The following USP43 variants were observed in gnomAD, a reference collection of about 807,000 sequenced individuals.
USP43 encodes ubiquitin carboxyl-terminal hydrolase 43.
Under a neutral mutation model 90.7 loss-of-function variants are expected in USP43, and 33 were observed. That is an observed-to-expected ratio of 0.36 (90% confidence interval 0.28 to 0.49). The LOEUF is 0.49. Ranked by LOEUF, USP43 falls within the 20% of genes least tolerant of loss-of-function variation. The pLI, the probability that USP43 is intolerant of heterozygous loss-of-function variation, is 0.98. For synonymous variants in USP43, 598 were observed against 615.8 expected (o/e 0.97, Z 0.43); for missense variants, 1,274 against 1,476.4 (o/e 0.86, Z 2.25).
intron 9 of USP43, among the ~76,000 whole-genome samples, chr17:9,693,959 A>C (rs1915110440): frequency 6.6e-6 from 1 of 152,190 alleles, no homozygotes; most frequent in Admixed American, 6.5e-5. Context: ...ATTGGTCCTA[A>C]ACTGTAAGAG....
intron 14 of USP43, among the ~76,000 whole-genome samples, chr17:9,720,364 G>T (rs1308137153): frequency 1.4e-5 from 2 of 140,018 alleles, no homozygotes; most frequent in African/African-American, 2.7e-5. Context: ...GAAAAATCCA[G>T]CTTTTTTTTT....
At chr17:9,648,903 TTC>T (rs373050216) in intron 1 of USP43, among the ~76,000 whole-genome samples, 5 of 145,558 alleles carry the variant, frequency 3.4e-5, no homozygotes, top group Admixed American at 6.8e-5. Flanking sequence ...TTCTTTTTCT[TTC>T]TCTCTCTCTC....
intron 13 of USP43, among the ~76,000 whole-genome samples, chr17:9,710,424 T>C (rs1291318012): frequency 2.0e-5 from 3 of 151,582 alleles, no homozygotes; most frequent in African/African-American, 7.3e-5. Context: ...GAGGTGTATG[T>C]AATGTAAACT....
chr17:9,652,926 C>G (rs1436791986), intron 1 of USP43, among the ~76,000 whole-genome samples: 1 of 152,120 alleles, frequency 6.6e-6, no homozygotes, highest in African/African-American at 2.4e-5. Flanking sequence ...AAAACAATCT[C>G]AAATATGTAT....
rs571025898 is a variant in USP43, at chr17:9,702,185, A to AC, written c.2011+490dup. Among the ~76,000 whole-genome samples the AC allele has an allele frequency of 2.7e-3, 410 of 151,008 alleles. 3 individuals carry two copies. Among genetic ancestry groups the AC allele is most frequent in the Non-Finnish European group, 3.6e-3 (245 of 67,800 alleles). On this transcript the variant is annotated intron_variant, in intron 12 of 14. Coordinates refer to ENST00000285199, the MANE Select transcript of USP43 (RefSeq NM_153210.5). ...AGACCAGCCTAGGCAACAAAGTGAG[A>AC]CCCCCGTCTCTACAAAAAAAATGAA...
intron 14 of USP43, among the ~76,000 whole-genome samples, chr17:9,720,839 C>T (rs1443590581): frequency 6.6e-6 from 1 of 152,096 alleles, no homozygotes; most frequent in Non-Finnish European, 1.5e-5. Flanking sequence ...CATTTATTCC[C>T]CGGGTGGGGC....
chr17:9,661,726 A>T (rs1228518381), intron 2 of USP43, among the ~76,000 whole-genome samples: 6 of 152,108 alleles, frequency 3.9e-5, no homozygotes, highest in Non-Finnish European at 8.8e-5. Flanking sequence ...TCAGAGAGAG[A>T]GGCTGTCATT....
At chr17:9,681,206 A>T (rs757685019) in intron 6 of USP43, among the ~76,000 whole-genome samples, 1 of 62,560 alleles carries the variant, frequency 1.6e-5, no homozygotes, top group African/African-American at 9.1e-5. Context: ...ATACTATATA[A>T]TATATACATT....
rs112607869 is a variant in USP43, at chr17:9,698,519, G to A, written c.1458-1653G>A. On this transcript the variant is annotated intron_variant, in intron 9 of 14. Transcript: ENST00000285199. The stretch of plus-strand genomic sequence containing the variant: ...AGCCTATCAGTCCCTTAAGGGTGGG[G>A]ATTGTTAGGTATATACATTTCTTGG... 3.2e-3 allele frequency among the ~76,000 whole-genome samples: 482 copies of A among 152,288 alleles called. 1 individual carries two copies. Among genetic ancestry groups the A allele is most frequent in the Non-Finnish European group, 4.9e-3 (332 of 68,020 alleles).
intron 9 of USP43, among the ~76,000 whole-genome samples, chr17:9,697,700 G>C (rs1485518044): frequency 1.7e-4 from 24 of 141,396 alleles, no homozygotes; most frequent in Non-Finnish European, 3.3e-4. Context: ...AGTGTTCTGT[G>C]GTGTACATGT....
chr17:9,658,277 C>CT (rs1292713686), intron 2 of USP43, among the ~76,000 whole-genome samples: 6 of 152,018 alleles, frequency 3.9e-5, no homozygotes, highest in Non-Finnish European at 7.4e-5. Flanking sequence ...GAAGCTTAGT[C>CT]TTTTTTTTCC....
At position 9,701,718 on chromosome 17, in the gene USP43, T is replaced by C; in HGVS notation, c.2011+18T>C. 6.7e-7 allele frequency: 1 copy of C among 1,503,150 alleles called. No individual in the cohort carries two copies. The highest frequency in any genetic ancestry group is 8.9e-7 in the Non-Finnish European group (1 of 1,119,876). 93.1% of individuals were successfully genotyped at this position (1,503,150 alleles called of 1,614,324 possible). A position where few individuals can be genotyped will look rare whatever the true frequency, so the allele number is the denominator to read the frequency against. ...TTACACAGGTGAGCCTTGCCTTGCCTTTCTGCAAATGCAGCTGTGGCCACA... is the reference window on the plus strand; with the variant it reads ...TTACACAGGTGAGCCTTGCCTTGCCCTTCTGCAAATGCAGCTGTGGCCACA... On this transcript the variant is annotated intron_variant, in intron 12 of 14. Coordinates refer to ENST00000285199, the MANE Select transcript of USP43 (RefSeq NM_153210.5). The surrounding 1 kb of genome is among the most constrained non-coding windows in gnomAD (Gnocchi z 7.2).
Position 9,683,634 on chromosome 17 carries a change from A to T in USP43, c.1241+676A>T, listed in dbSNP as rs149443039. Among the ~76,000 whole-genome samples the T allele has an allele frequency of 5.0e-3, 768 of 152,284 alleles. 7 individuals carry two copies. The highest frequency in any genetic ancestry group is 0.017 in the African/African-American group (723 of 41,554). On this transcript the variant is annotated intron_variant, in intron 7 of 14. Transcript: ENST00000285199. ...CATTTTTATCATGTAATAAATACTT[A>T]CAGATAGTTGGTCTATTTTGTTTGA... is the stretch of plus-strand genomic sequence containing the variant.
At chr17:9,715,822 T>G (rs919225443) in intron 14 of USP43, among the ~76,000 whole-genome samples, 25 of 151,898 alleles carry the variant, frequency 1.6e-4, no homozygotes, top group African/African-American at 5.6e-4. Context: ...TGTGTCTCTG[T>G]GTGTCTATGT....
chr17:9,711,536 C>T (rs1045681809), intron 13 of USP43, among the ~76,000 whole-genome samples: 1 of 152,160 alleles, frequency 6.6e-6, no homozygotes, highest in East Asian at 1.9e-4. Context: ...TCACACAATT[C>T]TCCTGCCTCA....
At chr17:9,706,439 A>G (rs1007433732) in intron 12 of USP43, among the ~76,000 whole-genome samples, 12 of 151,972 alleles carry the variant, frequency 7.9e-5, no homozygotes, top group Admixed American at 5.9e-4. Context: ...CTAAGATTAA[A>G]AAGTGTTTTT....
At chr17:9,667,850 T>A (rs968845554) in intron 3 of USP43, among the ~76,000 whole-genome samples, 1 of 152,078 alleles carries the variant, frequency 6.6e-6, no homozygotes, top group Non-Finnish European at 1.5e-5. Context: ...TGCGTTTATA[T>A]GTGTGTGTGT....
At chr17:9,719,359 C>T (rs970563326) in intron 14 of USP43, among the ~76,000 whole-genome samples, 8 of 152,156 alleles carry the variant, frequency 5.3e-5, no homozygotes, top group African/African-American at 1.9e-4. Flanking sequence ...ATGTGAGGCA[C>T]AGCTCTAGAA....
Position 9,682,908 on chromosome 17 carries a change from G to C in USP43, c.1191G>C (p.Lys397Asn). 6.2e-7 allele frequency: 1 copy of C among 1,614,052 alleles called. No homozygotes were observed. Among genetic ancestry groups the C allele is most frequent in the African/African-American group, 1.3e-5 (1 of 75,066 alleles). ...RFSLSLHSES[K>N]VLILFCNLVG... ...CCCTCTCTCTCCACAGTGAGAGCAAGGTGCTAATCCTCTTCTGTAACTTGG... is the reference window on the plus strand; with the variant it reads ...CCCTCTCTCTCCACAGTGAGAGCAACGTGCTAATCCTCTTCTGTAACTTGG... Residue 397 changes from lysine to asparagine, a missense_variant, in exon 7 of 15, where the codon AAG (lysine) becomes AAC (asparagine). Coordinates refer to ENST00000285199, the MANE Select transcript of USP43 (RefSeq NM_153210.5).
Sources: allele counts gnomAD v4.1 joint callset (sites outside exome capture counted in the v4.1 genomes callset), GRCh38; gene constraint gnomAD v4.1.1; non-coding constraint Gnocchi (gnomAD v3.1); transcripts MANE v1.5; gene names NCBI Gene and HGNC (gene_info 2026-07-23, HGNC 2026-07-21).